Variants in RSPH10B observed in about 807,000 individuals in gnomAD.
RSPH10B encodes the protein radial spoke head 10 homolog B, also known as radial spoke head 10 homolog B (Chlamydomonas).
RSPH10B carries 7 observed loss-of-function variants against 52.5 expected under a neutral mutation model. That is an observed-to-expected ratio of 0.13 (90% CI 0.08 to 0.25). The LOEUF (loss-of-function observed/expected upper bound fraction) is 0.25, where lower values mean the gene tolerates loss of function less well. Among genes scored for constraint, RSPH10B ranks in the 10% least tolerant of loss-of-function variants. RSPH10B has a pLI of 1.00. For missense variants in RSPH10B, 89 were observed against 542.5 expected, an observed-to-expected ratio of 0.16 and a Z score of 8.30; for synonymous variants, 28 against 193.2, an observed-to-expected ratio of 0.14 and a Z score of 7.09.
chr7:5,927,074 G>GTGTATATATATATA (rs1562553356), intron 18 of RSPH10B, among the ~76,000 whole-genome samples: 4 of 74,206 alleles, frequency 5.4e-5, no homozygotes, highest in East Asian at 1.5e-3. Flanking sequence ...GTGTATATGT[G>GTGTATATATATATA]TGTGTGTGTG....
intron 5 of RSPH10B, among the ~76,000 whole-genome samples, chr7:5,958,344 GAA>G (rs58697360): frequency 4.2e-5 from 6 of 143,958 alleles, no homozygotes; most frequent in Admixed American, 6.9e-5. Context: ...CATCTCAAAA[GAA>G]AAAAAAAAAT....
intron 13 of RSPH10B, among the ~76,000 whole-genome samples, chr7:5,941,681 T>C (rs1222566877): frequency 1.1e-3 from 149 of 137,132 alleles, no homozygotes; most frequent in African/African-American, 3.8e-3. Context: ...GAGGCGGAGG[T>C]TGCAGTGAGC....
intron 13 of RSPH10B, among the ~76,000 whole-genome samples, chr7:5,941,946 G>A (rs1382243416): frequency 6.7e-6 from 1 of 149,004 alleles, no homozygotes; most frequent in Non-Finnish European, 1.5e-5. Context: ...AGACTGGAGT[G>A]CAGTGGCACA....
At chr7:5,927,022 C>CGTGTGTGTGTGTGTGTGTGT (rs373901374) in intron 18 of RSPH10B, among the ~76,000 whole-genome samples, 83 of 95,928 alleles carry the variant, frequency 8.7e-4, no homozygotes, top group African/African-American at 3.8e-3. Flanking sequence ...CCCAAAGTTA[C>CGTGTGTGTGTGTGTGTGTGT]GTGTGTGTGT....
At chr7:5,927,068 A>ATGTGTGTGTGTG (rs1162615266) in intron 18 of RSPH10B, among the ~76,000 whole-genome samples, 2 of 54,860 alleles carry the variant, frequency 3.6e-5, no homozygotes, top group African/African-American at 8.3e-5. Flanking sequence ...GTGTGTGTGT[A>ATGTGTGTGTGTG]TATGTGTGTG....
At chr7:5,927,815 A>G (rs1779582445) in intron 18 of RSPH10B, among the ~76,000 whole-genome samples, 1 of 146,014 alleles carries the variant, frequency 6.8e-6, no homozygotes, top group Non-Finnish European at 1.5e-5. Flanking sequence ...GCATGCTTCT[A>G]ATCCCAGCTG....
intron 17 of RSPH10B, among the ~76,000 whole-genome samples, chr7:5,928,640 T>G (rs1779656381): frequency 7.0e-6 from 1 of 143,430 alleles, no homozygotes; most frequent in Non-Finnish European, 1.5e-5. Flanking sequence ...TTTTGTTTTT[T>G]TTTTTTTTGG....
At chr7:5,932,041 T>C (rs1442958969) in intron 17 of RSPH10B, among the ~76,000 whole-genome samples, 3 of 148,010 alleles carry the variant, frequency 2.0e-5, no homozygotes, top group Admixed American at 1.4e-4. Flanking sequence ...GCTTGTTTAA[T>C]CATGAAAACA....
At chr7:5,928,456 G>T in intron 17 of RSPH10B, 62 bp from the exon 20 acceptor site, 1 of 1,582,330 alleles carries the variant, frequency 6.3e-7, no homozygotes. Flanking sequence ...GGGGGTCTGC[G>T]TGCTTTTTCT....
chr7:5,957,546 G>A (rs1400882399), intron 6 of RSPH10B, among the ~76,000 whole-genome samples: 8 of 31,556 alleles, frequency 2.5e-4, no homozygotes, highest in African/African-American at 1.2e-3. Context: ...AGCACTTTAG[G>A]AGGCTGAGGC....
chr7:5,938,413 AC>A (rs1431882084), intron 14 of RSPH10B, among the ~76,000 whole-genome samples: 21 of 118,546 alleles, frequency 1.8e-4, no homozygotes, highest in African/African-American at 6.2e-4. Context: ...TAAAAAAAAT[AC>A]AAAAAAAAAA....
intron 18 of RSPH10B, among the ~76,000 whole-genome samples, chr7:5,927,734 G>A (rs1482535747): frequency 6.8e-6 from 1 of 147,184 alleles, no homozygotes; most frequent in South Asian, 2.1e-4. Context: ...TCAGGAGTTC[G>A]AGACCAGCCT....
In RSPH10B at chr7:5,927,170, G is replaced by A. The variant is rs1288055628; in HGVS notation, c.2433-622C>T. On this transcript the variant is annotated intron_variant, in intron 18 of 18. Coordinates refer to ENST00000337579, the Ensembl canonical transcript of RSPH10B. ...GCAGTGGCACAAACAAATCACTGCA[G>A]CCTCAACCTCCCAGGCTCAAGCAAT... Among the ~76,000 whole-genome samples the A allele has an allele frequency of 4.3e-5, 6 of 139,602 alleles. No homozygotes were observed. In the East Asian group the frequency reaches 1.1e-3, roughly 25 times the overall value. The allele number at this position is 139,602 out of a possible 152,430, so 91.6% of individuals were successfully genotyped here.
At chr7:5,930,869 A>G (rs1779725852) in intron 17 of RSPH10B, among the ~76,000 whole-genome samples, 1 of 56,654 alleles carries the variant, frequency 1.8e-5, no homozygotes, top group Admixed American at 1.8e-4. Flanking sequence ...CAAGATGCCT[A>G]GCAGCAAAGG....
At chr7:5,938,638 A>G (rs1424156357) in intron 14 of RSPH10B, 84 bp downstream of exon 16, 1 of 120,530 alleles carries the variant, frequency 8.3e-6, no homozygotes, top group Admixed American at 1.6e-4. Context: ...GAAAAAAAAA[A>G]TCTTGGTTCT....
chr7:5,943,204 A>G, intron 13 of RSPH10B, 120 bp downstream of exon 15: 1 of 1,537,852 alleles, frequency 6.5e-7, no homozygotes, highest in Non-Finnish European at 8.7e-7. Context: ...AATGGTCCTG[A>G]AAATCCAGCC....
intron 13 of RSPH10B, among the ~76,000 whole-genome samples, chr7:5,942,395 A>AT (rs1390188252): frequency 1.5e-5 from 2 of 129,038 alleles, no homozygotes; most frequent in Non-Finnish European, 3.4e-5. Flanking sequence ...CCCGGCTATG[A>AT]TTTTTTTATT....
At chr7:5,940,130 G>A (rs1226951209) in intron 13 of RSPH10B, among the ~76,000 whole-genome samples, 1 of 119,700 alleles carries the variant, frequency 8.4e-6, no homozygotes, top group Non-Finnish European at 1.9e-5. Flanking sequence ...CCAGGAGGCA[G>A]AGGTTGCAGT....
intron 7 of RSPH10B, among the ~76,000 whole-genome samples, chr7:5,954,988 T>TAAAAAAAAAAAAAAAAAAA (rs1185408288): frequency 1.2e-4 from 3 of 24,162 alleles, no homozygotes; most frequent in African/African-American, 3.3e-4. Context: ...CTGTAACTAC[T>TAAAAAAAAAAAAAAAAAAA]AAAAAAAAAA....
Sources: gnomAD v4.1 joint callset for allele counts (sites outside exome capture counted in the v4.1 genomes callset) on GRCh38, gnomAD v4.1.1 for gene constraint, MANE v1.5 for transcripts, NCBI Gene and HGNC (gene_info 2026-07-23, HGNC 2026-07-21) for gene names.